The following C19orf47 variants were observed in gnomAD, a reference collection of about 807,000 sequenced individuals.
The protein encoded by C19orf47 is chromosome 19 open reading frame 47.
A neutral mutation model predicts 32.3 loss-of-function variants in C19orf47; 18 were observed. That is an observed-to-expected ratio of 0.56 (90% CI 0.39 to 0.83). C19orf47 has a LOEUF of 0.83. Ranked by LOEUF, C19orf47 falls within the 40% of genes least tolerant of loss-of-function variation. The pLI is 0.00. For synonymous variants in C19orf47, 202 were observed against 211.1 expected, an observed-to-expected ratio of 0.96 and a Z score of 0.37; for missense variants, 484 against 531.6, an observed-to-expected ratio of 0.91 and a Z score of 0.88.
intron 5 of C19orf47, among the ~76,000 whole-genome samples, chr19:40,330,241 T>C (rs2077921646): frequency 6.6e-6 from 1 of 152,022 alleles, no homozygotes; most frequent in Non-Finnish European, 1.5e-5. Flanking sequence ...TTTTTCTTTT[T>C]TTTTTGAGAC....
chr19:40,312,822 C>T, the C19orf47 span, among the ~76,000 whole-genome samples: 1 of 152,122 alleles, frequency 6.6e-6, no homozygotes, highest in African/African-American at 2.4e-5. Context: ...CCAGTCAACC[C>T]CTGGGACTAT....
chr19:40,296,745 C>T, the C19orf47 span, among the ~76,000 whole-genome samples: 1 of 151,964 alleles, frequency 6.6e-6, no homozygotes, highest in African/African-American at 2.4e-5. Context: ...GAAACCCCAT[C>T]TCTACTAAAA....
At chr19:40,341,709 G>A in intron 2 of C19orf47, 130 bp downstream of exon 2, 1 of 1,340,542 alleles carries the variant, frequency 7.5e-7, no homozygotes, top group Non-Finnish European at 1.0e-6. Flanking sequence ...CCCTGCCACG[G>A]TCCTCAGAGT....
Position 40,341,858 on chromosome 19 carries a change from C to A in C19orf47, c.-1G>T, listed in dbSNP as rs764771895. On this transcript the variant is annotated 5_prime_UTR_variant, in exon 2 of 9. Coordinates refer to ENST00000683109, the MANE Select transcript of C19orf47 (RefSeq NM_001256441.2). The stretch of plus-strand genomic sequence containing the variant: ...ACTCACCCATAGTCACGGAGACCAT[C>A]GTCTCCCTGGCCCTGACACTGCTCC... 6.5e-7 allele frequency: 1 copy of A among 1,536,168 alleles called. No homozygotes were observed. The highest frequency in any genetic ancestry group is 8.7e-7 in the Non-Finnish European group (1 of 1,146,908).
At chr19:40,339,700 G>C (rs546119460) in intron 2 of C19orf47, among the ~76,000 whole-genome samples, 1 of 152,186 alleles carries the variant, frequency 6.6e-6, no homozygotes, top group Admixed American at 6.5e-5. Context: ...GGCCAGGAGC[G>C]GTGGCTTACA....
intron 8 of C19orf47, among the ~76,000 whole-genome samples, 196 bp downstream of exon 8, chr19:40,323,810 G>A (rs1381203810): frequency 3.3e-5 from 5 of 152,170 alleles, no homozygotes; most frequent in Non-Finnish European, 1.5e-5. Flanking sequence ...TGGACCCCCA[G>A]GGCTGGAAAC....
chr19:40,336,227 G>T lies in C19orf47; in HGVS notation c.108-3C>A, dbSNP rs778512252. The stretch of plus-strand genomic sequence containing the variant: ...CCAGCAGCATGCTCTTCTGAATCCT[G>T]CAGGGAAAGGTCAGTGGTGAGGCCC... On this transcript the variant is annotated splice_polypyrimidine_tract_variant and splice_region_variant and intron_variant, in intron 3 of 8. Transcript: ENST00000683109. 3.7e-6 allele frequency: 6 copies of T among 1,614,176 alleles called. No individual in the cohort carries two copies. Among genetic ancestry groups the T allele is most frequent in the Non-Finnish European group, 5.1e-6 (6 of 1,179,990 alleles).
intron 5 of C19orf47, among the ~76,000 whole-genome samples, chr19:40,331,988 A>G (rs1485141030): frequency 1.3e-5 from 2 of 150,858 alleles, no homozygotes; most frequent in Non-Finnish European, 3.0e-5. Flanking sequence ...CAGTGAGCCA[A>G]GATCATGCCA....
At chr19:40,331,476 A>C (rs1432666413) in intron 5 of C19orf47, among the ~76,000 whole-genome samples, 1 of 152,212 alleles carries the variant, frequency 6.6e-6, no homozygotes, top group Non-Finnish European at 1.5e-5. Context: ...CATGAGAAAT[A>C]AACACCCATG....
the C19orf47 span, among the ~76,000 whole-genome samples, chr19:40,304,480 A>G: frequency 1.3e-5 from 2 of 152,154 alleles, no homozygotes; most frequent in African/African-American, 4.8e-5. Context: ...GCCCAGATCT[A>G]TTCTTCTGGG....
intron 2 of C19orf47, among the ~76,000 whole-genome samples, chr19:40,338,651 G>A (rs2078117949): frequency 6.6e-6 from 1 of 152,062 alleles, no homozygotes; most frequent in South Asian, 2.1e-4. Context: ...CCAAAGTGAT[G>A]AGATTACAGG....
chr19:40,312,144 G>C, the C19orf47 span, among the ~76,000 whole-genome samples: 1 of 152,190 alleles, frequency 6.6e-6, no homozygotes, highest in African/African-American at 2.4e-5. Flanking sequence ...ACAAGGAGAT[G>C]TTGACTTCCT....
At chr19:40,313,054 G>T in the C19orf47 span, among the ~76,000 whole-genome samples, 1 of 152,170 alleles carries the variant, frequency 6.6e-6, no homozygotes, top group African/African-American at 2.4e-5. Context: ...TGCTAGGAGA[G>T]TAACTGCTGG....
At chr19:40,342,128 C>T (rs2078190043) in intron 1 of C19orf47, 1 of 880,708 alleles carries the variant, frequency 1.1e-6, no homozygotes, top group Non-Finnish European at 1.4e-6. Flanking sequence ...CATTCACACA[C>T]ACCCCAAAAG....
chr19:40,322,064 G>A lies in C19orf47; in HGVS notation c.976C>T (p.Pro326Ser). 11 of 1,614,206 alleles carry A rather than the reference G, an allele frequency of 6.8e-6. No homozygotes were observed. The highest frequency in any genetic ancestry group is 8.5e-6 in the Non-Finnish European group (10 of 1,180,048). The change falls in exon 9 of 9, where the codon CCC becomes TCC. Residue 326 changes from proline (P) to serine (S), a missense_variant. This residue lies in a region of C19orf47 where 376 missense variants were observed against 370.2 expected (regional missense o/e 1.02). Transcript: ENST00000683109. ...IKRLGAAALV[P>S]EAQDSQVTST... ...GTGACCTGGCTGTCCTGGGCCTCGGGCACAAGGGCAGCTGCGCCCAGTCTC... is the reference window on the plus strand; with the variant it reads ...GTGACCTGGCTGTCCTGGGCCTCGGACACAAGGGCAGCTGCGCCCAGTCTC...
rs2077707499 is a variant in C19orf47, at chr19:40,320,964, C to T, written c.*918G>A. 3 of 154,498 alleles carry T rather than the reference C, an allele frequency of 1.9e-5. No individual in the cohort carries two copies. The highest frequency in any genetic ancestry group is 2.9e-5 in the Non-Finnish European group (2 of 68,814). The allele number at this position is 154,498 out of a possible 1,614,324, so 9.6% of individuals were successfully genotyped here. A position where few individuals can be genotyped will look rare whatever the true frequency, so the allele number is the denominator to read the frequency against. On this transcript the variant is annotated 3_prime_UTR_variant, in exon 9 of 9. Transcript: ENST00000683109. ...ACCATGTGTGTGCAGGAAGCCTGAC[C>T]TTTAGAGACACAGCCCAATCCTCTG...
the C19orf47 span, among the ~76,000 whole-genome samples, chr19:40,303,228 A>G: frequency 2.1e-5 from 3 of 142,698 alleles, no homozygotes; most frequent in East Asian, 2.0e-4. Flanking sequence ...AACTCCATCT[A>G]AAAAAAAAAA....
chr19:40,347,354 AC>A (rs1448929854), intron 1 of C19orf47, among the ~76,000 whole-genome samples: 2 of 151,600 alleles, frequency 1.3e-5, no homozygotes, highest in Non-Finnish European at 2.9e-5. Context: ...ACATGCAGAA[AC>A]CCCGTCTCTA....
At chr19:40,328,605 A>C (rs756364856) in intron 5 of C19orf47, 55 bp from the exon 6 acceptor site, 4 of 1,552,088 alleles carry the variant, frequency 2.6e-6, no homozygotes, top group Non-Finnish European at 3.5e-6. Flanking sequence ...ACAGGCCTCA[A>C]TCCAGCAGTC....
Sources: allele counts gnomAD v4.1 joint callset (sites outside exome capture counted in the v4.1 genomes callset), GRCh38; gene constraint gnomAD v4.1.1; regional missense constraint gnomAD v4.1.1; transcripts MANE v1.5; gene names NCBI Gene and HGNC (gene_info 2026-07-23, HGNC 2026-07-21).